ABCC6: variants seen among roughly 807,000 people sequenced by gnomAD.
ABCC6 encodes ATP-binding cassette sub-family C member 6.
ABCC6 carries 126 observed loss-of-function variants against 169.5 expected under a neutral mutation model. The observed-to-expected ratio is 0.74, with a 90% CI of 0.64 to 0.86. The LOEUF is 0.86. Among genes scored for constraint, ABCC6 ranks in the 40% least tolerant of loss-of-function variants. ABCC6 has a pLI of 0.00. For missense variants in ABCC6, 1,733 were observed against 1,927.2 expected, an observed-to-expected ratio of 0.90 and a Z score of 1.89; for synonymous variants, 752 against 814.7, an observed-to-expected ratio of 0.92 and a Z score of 1.31.
In ABCC6 at chr16:16,169,668, G is replaced by A. The variant is rs375767696; in HGVS notation, c.2973C>T (p.Phe991=). The part of the protein sequence containing the change: ...QTQAALRGGI[F]GLLGCLQAIG... Reference sequence around the variant, plus strand: ...TACCTTGGAGACAGCCGAGGAGCCCGAAGATCCCGCCACGCAGGGCTGCCT... The same window carrying A: ...TACCTTGGAGACAGCCGAGGAGCCCAAAGATCCCGCCACGCAGGGCTGCCT... The change falls in exon 22 of 31, where the codon TTC becomes TTT. Residue 991 remains phenylalanine (F), a synonymous_variant. Transcript: ENST00000205557. 113 of 1,610,856 alleles carry A rather than the reference G, an allele frequency of 7.0e-5. No individual in the cohort carries two copies. Among genetic ancestry groups the A allele is most frequent in the South Asian group, 1.2e-4 (11 of 90,916 alleles).
intron 23 of ABCC6, among the ~76,000 whole-genome samples, chr16:16,163,393 A>G (rs1038453752): frequency 2.6e-5 from 4 of 152,064 alleles, no homozygotes. Context: ...TTTGAAAATC[A>G]CCTGGGGAGC....
At chr16:16,189,065 T>C (rs1185929776) in intron 12 of ABCC6, 91 bp from the exon 13 acceptor site, 37 of 1,443,126 alleles carry the variant, frequency 2.6e-5, no homozygotes, top group Non-Finnish European at 3.4e-5. Context: ...GCACGGTCCA[T>C]GTGGCCCACC....
At chr16:16,158,883 CATGTT>C (rs1348218319) in intron 26 of ABCC6, among the ~76,000 whole-genome samples, 2 of 151,886 alleles carry the variant, frequency 1.3e-5, no homozygotes, top group East Asian at 1.9e-4. Flanking sequence ...ATGTTGCTGT[CATGTT>C]ATGATGTTGC....
intron 5 of ABCC6, among the ~76,000 whole-genome samples, chr16:16,213,558 CTTTTTTTTTTT>C (rs61603385): frequency 1.4e-5 from 1 of 72,390 alleles, no homozygotes; most frequent in Non-Finnish European, 2.8e-5. Flanking sequence ...CTTTTTCCTT[CTTTTTTTTTTT>C]TTTTTTTTTT....
rs2046343016 is a variant in ABCC6 at position 16,149,998 on chromosome 16, A to G, written c.*135T>C. The G allele has an allele frequency of 7.2e-7, 1 of 1,383,084 alleles. No individual in the cohort carries two copies. The highest frequency in any genetic ancestry group is 2.0e-5 in the Admixed American group (1 of 50,740). The allele number at this position is 1,383,084 out of a possible 1,614,324, so 85.7% of individuals were successfully genotyped here. On this transcript the variant is annotated 3_prime_UTR_variant, in exon 31 of 31. Transcript: ENST00000205557. ...GTGATAATTGGCCACTTTCTCTGCC[A>G]TTTTCCTCCCAGAGAGCAAACACAG...
chr16:16,184,873 C>A (rs1427637208), intron 15 of ABCC6, 86 bp downstream of exon 15: 4 of 1,439,606 alleles, frequency 2.8e-6, no homozygotes, highest in Non-Finnish European at 3.9e-6. Context: ...GAAACCTACA[C>A]CACCTCTCAG....
chr16:16,211,673 A>G (rs1190425186), intron 6 of ABCC6, among the ~76,000 whole-genome samples: 1 of 152,192 alleles, frequency 6.6e-6, no homozygotes, highest in Non-Finnish European at 1.5e-5. Context: ...CACATCCTCA[A>G]GTGCCTTGTG....
chr16:16,156,772 GTCTCTACTAAAAATACAAA>G (rs2046563910), intron 27 of ABCC6, among the ~76,000 whole-genome samples: 1 of 151,746 alleles, frequency 6.6e-6, no homozygotes, highest in Admixed American at 6.6e-5. Context: ...GTGAAACCCT[GTCTCTACTAAAAATACAAA>G]AATTAGCCGG....
At chr16:16,213,430 G>A (rs1288863738) in intron 5 of ABCC6, among the ~76,000 whole-genome samples, 1 of 151,892 alleles carries the variant, frequency 6.6e-6, no homozygotes, top group Non-Finnish European at 1.5e-5. Context: ...TGTCAGATCA[G>A]TCTCTTCCAC....
chr16:16,155,418 A>G, intron 27 of ABCC6: 1 of 294,918 alleles, frequency 3.4e-6, no homozygotes, highest in Non-Finnish European at 6.4e-6. Context: ...CCTGCCATCC[A>G]TCCATCCATC....
chr16:16,156,833 C>G (rs1023132021), intron 27 of ABCC6, among the ~76,000 whole-genome samples: 1 of 151,112 alleles, frequency 6.6e-6, no homozygotes, highest in African/African-American at 2.4e-5. Context: ...ATCCCAGCTA[C>G]TCAGGAGGCT....
intron 23 of ABCC6, 59 bp downstream of exon 23, chr16:16,165,564 C>G (rs952286071): frequency 2.5e-6 from 4 of 1,590,232 alleles, no homozygotes; most frequent in Non-Finnish European, 3.4e-6. Context: ...TCCCCAGAGA[C>G]AGGGGACTGG....
In ABCC6 at chr16:16,165,939, G is replaced by A; in HGVS notation, c.2996-6C>T. ...GGAGGCAAACAGCCCAATGGCTGGGGAGGGAGAGGAGGTAAGAGCATGAGG... is the reference window on the plus strand; with the variant it reads ...GGAGGCAAACAGCCCAATGGCTGGGAAGGGAGAGGAGGTAAGAGCATGAGG... On this transcript the variant is annotated splice_region_variant and splice_polypyrimidine_tract_variant and intron_variant, in intron 22 of 30. Coordinates refer to ENST00000205557, the MANE Select transcript of ABCC6 (RefSeq NM_001171.6). 6.2e-7 allele frequency: 1 copy of A among 1,612,406 alleles called. No individual in the cohort carries two copies. Among genetic ancestry groups the A allele is most frequent in the Non-Finnish European group, 8.5e-7 (1 of 1,179,766 alleles).
chr16:16,190,219 G>A lies in ABCC6; in HGVS notation c.1580C>T (p.Thr527Ile). Residue 527 changes from threonine (T) to isoleucine (I), a missense_variant, in exon 12 of 31, where the codon ACC (threonine) becomes ATC (isoleucine). This residue lies in a region of ABCC6 where 1,601 missense variants were observed against 1,635.5 expected (regional missense o/e 0.98). Transcript: ENST00000205557. ...CGACACAGAGAAGAGGAGGCCGGAG[G>A]TCCGCAAGGCGCCCAGCTCCTGGCC... ...IRGQELGALR[T>I]SGLLFSVSLV... 3 of 1,614,058 alleles carry A rather than the reference G, an allele frequency of 1.9e-6. No individual in the cohort carries two copies. Among genetic ancestry groups the A allele is most frequent in the Non-Finnish European group, 2.5e-6 (3 of 1,180,018 alleles).
At chr16:16,160,396 G>A (rs1370994972) in intron 25 of ABCC6, among the ~76,000 whole-genome samples, 2 of 151,974 alleles carry the variant, frequency 1.3e-5, no homozygotes, top group Non-Finnish European at 2.9e-5. Flanking sequence ...CCAGCTTTTT[G>A]GAAGTCTAAG....
intron 19 of ABCC6, among the ~76,000 whole-genome samples, chr16:16,177,209 G>A (rs2047304462): frequency 6.6e-6 from 1 of 152,204 alleles, no homozygotes; most frequent in Non-Finnish European, 1.5e-5. Flanking sequence ...GGGCATGTGT[G>A]AGAATCAAAT....
At position 16,202,161 on chromosome 16, in the gene ABCC6, A is replaced by G. The variant is rs779406291; in HGVS notation, c.1016T>C (p.Ile339Thr). 8 of 1,613,484 alleles carry G rather than the reference A, an allele frequency of 5.0e-6. No individual in the cohort carries two copies. The South Asian group carries it at 6.6e-5, about 13-fold the overall frequency. Residue 339 changes from isoleucine to threonine, a missense_variant, in exon 9 of 31, where the codon ATT (isoleucine) becomes ACT (threonine). Ile to Thr is a moderately conservative substitution (Grantham distance 89). Transcript: ENST00000205557. The stretch of plus-strand genomic sequence containing the variant: ...CCAGGCTGGAGGCTTGGGATCACCA[A>G]TAAACTCCAGGAAAAGGCTTGCAGG... ...PKLLSLFLEF[I>T]GDPKPPAWKG...
At chr16:16,169,612 G>A (rs1263275547) in intron 22 of ABCC6, 34 bp downstream of exon 22, 3 of 1,607,726 alleles carry the variant, frequency 1.9e-6, no homozygotes, top group Non-Finnish European at 2.5e-6. Context: ...GTGCAGCTGG[G>A]AGGAGAGGGA....
chr16:16,180,682 G>A (rs955414299), intron 17 of ABCC6, among the ~76,000 whole-genome samples: 18 of 151,992 alleles, frequency 1.2e-4, no homozygotes, highest in African/African-American at 4.1e-4. Context: ...GTAGAGATGG[G>A]GCTTCACCAT....
Sources: allele counts gnomAD v4.1 joint callset (sites outside exome capture counted in the v4.1 genomes callset), GRCh38; gene constraint gnomAD v4.1.1; regional missense constraint gnomAD v4.1.1; transcripts MANE v1.5; gene names NCBI Gene and HGNC (gene_info 2026-07-23, HGNC 2026-07-21).